Variants in PKHD1 observed in about 807,000 individuals in gnomAD.
PKHD1 encodes the protein fibrocystin.
PKHD1 carries 291 observed loss-of-function variants against 412.0 expected under a neutral mutation model. The ratio of observed to expected loss-of-function variants is 0.71; its 90% confidence interval spans 0.64 to 0.78. The LOEUF is 0.78. PKHD1 is among the 30% of genes least tolerant of loss of function. The probability of loss-of-function intolerance (pLI) is 0.00; values close to 1 mark genes in which losing one functional copy is unlikely to be tolerated. For synonymous variants in PKHD1, 1,777 were observed against 1,821.5 expected (o/e 0.98, Z 0.62); for missense variants, 4,825 against 4,950.7 (o/e 0.97, Z 0.76).
intron 60 of PKHD1, among the ~76,000 whole-genome samples, chr6:51,703,781 A>G (rs1461775848): frequency 6.6e-6 from 1 of 152,046 alleles, no homozygotes; most frequent in East Asian, 1.9e-4. Context: ...TTCTCTTCAA[A>G]TATCAACTAC....
chr6:51,706,481 T>TAAAAA (rs3061722), intron 60 of PKHD1, among the ~76,000 whole-genome samples: 2 of 140,926 alleles, frequency 1.4e-5, no homozygotes, highest in South Asian at 2.3e-4. Flanking sequence ...TCTCCCATGG[T>TAAAAA]AAAAAAAAAA....
At chr6:51,718,913 G>A (rs1259857950) in intron 60 of PKHD1, among the ~76,000 whole-genome samples, 1 of 152,100 alleles carries the variant, frequency 6.6e-6, no homozygotes, top group Non-Finnish European at 1.5e-5. Context: ...TATCATTTAA[G>A]TACCTATAAT....
At chr6:51,942,036 T>G (rs955172264) in intron 36 of PKHD1, among the ~76,000 whole-genome samples, 4 of 151,612 alleles carry the variant, frequency 2.6e-5, no homozygotes, top group African/African-American at 9.7e-5. Context: ...CTTTCCTTCC[T>G]AGGCATGGTT....
intron 37 of PKHD1, among the ~76,000 whole-genome samples, chr6:51,933,891 A>G (rs557496595): frequency 9.3e-4 from 141 of 152,370 alleles, no homozygotes; most frequent in Non-Finnish European, 1.7e-3. Context: ...GGAAGTATAC[A>G]CAATCCTCTT....
intron 60 of PKHD1, among the ~76,000 whole-genome samples, chr6:51,675,706 CA>C (rs1775728844): frequency 6.6e-6 from 1 of 152,160 alleles, no homozygotes; most frequent in South Asian, 2.1e-4. Flanking sequence ...CACAGCCTGT[CA>C]GGGGCAGCCG....
At chr6:51,933,960 A>G in intron 37 of PKHD1, 150 bp downstream of exon 37, 2 of 699,556 alleles carry the variant, frequency 2.9e-6, no homozygotes, top group Non-Finnish European at 5.2e-6. Context: ...GAATCGTAAC[A>G]GTTTTACTTG....
chr6:52,025,429 C>T lies in PKHD1; in HGVS notation c.4381G>A (p.Val1461Ile), dbSNP rs745677714. ...GTTAGCCCATTGACCAGGACTGTGA[C>T]GTTCAGGGAGAAGGAAGCTCCAGGC... ...PLPGASFSLNVTVLVNGLTSE... is the reference protein window; with the variant it reads ...PLPGASFSLNITVLVNGLTSE... The change falls in exon 32 of 67, where the codon GTC (valine) becomes ATC (isoleucine). Residue 1461 changes from valine (V) to isoleucine (I), a missense_variant. Coordinates refer to ENST00000371117, the MANE Select transcript of PKHD1 (RefSeq NM_138694.4). 15 of 1,606,692 alleles carry T rather than the reference C, an allele frequency of 9.3e-6. No individual in the cohort carries two copies. In the South Asian group the frequency reaches 1.2e-4, roughly 13 times the overall value.
At chr6:51,707,143 T>C (rs1780106522) in intron 60 of PKHD1, among the ~76,000 whole-genome samples, 1 of 152,204 alleles carries the variant, frequency 6.6e-6, no homozygotes, top group Admixed American at 6.5e-5. Context: ...ATAAGTTTGT[T>C]GACATTAAGT....
At chr6:51,763,704 T>TTATA (rs1355219882) in intron 55 of PKHD1, among the ~76,000 whole-genome samples, 1 of 152,038 alleles carries the variant, frequency 6.6e-6, no homozygotes, top group Non-Finnish European at 1.5e-5. Context: ...TCAATGTGTC[T>TTATA]TATAGGGTTT....
At chr6:51,919,389 C>T (rs1401399090) in intron 37 of PKHD1, among the ~76,000 whole-genome samples, 3 of 152,178 alleles carry the variant, frequency 2.0e-5, no homozygotes, top group South Asian at 2.1e-4. Flanking sequence ...ATAGGGAATC[C>T]TTTCCCCATT....
chr6:51,635,781 TG>T (rs1190392805), intron 64 of PKHD1, among the ~76,000 whole-genome samples: 1 of 144,790 alleles, frequency 6.9e-6, no homozygotes, highest in Non-Finnish European at 1.5e-5. Context: ...CGTGACTTTC[TG>T]GGGGGAGAAT....
chr6:51,680,837 G>T (rs961093940), intron 60 of PKHD1, among the ~76,000 whole-genome samples: 1 of 151,886 alleles, frequency 6.6e-6, no homozygotes, highest in African/African-American at 2.4e-5. Context: ...AACGGTTAAC[G>T]TTTTGCTCTG....
At chr6:51,771,616 C>CA (rs556888100) in intron 55 of PKHD1, among the ~76,000 whole-genome samples, 11,300 of 127,450 alleles carry the variant, frequency 0.089, 434 homozygotes, top group Non-Finnish European at 0.11. Flanking sequence ...GAGACTGTGT[C>CA]AAAAAAAAAA....
chr6:51,747,760 C>T (rs1389591344), intron 58 of PKHD1, 27 bp downstream of exon 58: 1 of 1,596,366 alleles, frequency 6.3e-7, no homozygotes, highest in East Asian at 2.2e-5. Context: ...TGAAATGGCA[C>T]TGCCTAGATA....
intron 60 of PKHD1, among the ~76,000 whole-genome samples, chr6:51,679,123 G>T (rs574102249): frequency 6.6e-6 from 1 of 152,156 alleles, no homozygotes; most frequent in South Asian, 2.1e-4. Context: ...CGCCATATGT[G>T]ACCATTTCCT....
At chr6:51,955,098 TTAAC>T (rs934888090) in intron 36 of PKHD1, among the ~76,000 whole-genome samples, 63 of 152,166 alleles carry the variant, frequency 4.1e-4, no homozygotes, top group African/African-American at 1.5e-3. Flanking sequence ...GAAAATATAA[TTAAC>T]TAAATCAAGG....
intron 34 of PKHD1, among the ~76,000 whole-genome samples, chr6:52,016,500 G>T (rs1013569847): frequency 2.6e-5 from 4 of 151,944 alleles, no homozygotes; most frequent in Non-Finnish European, 4.4e-5. Flanking sequence ...GCTGGGCGTG[G>T]TGGTATATAC....
chr6:51,996,357 G>C (rs1007878260), intron 35 of PKHD1, among the ~76,000 whole-genome samples: 2 of 152,052 alleles, frequency 1.3e-5, no homozygotes, highest in African/African-American at 4.8e-5. Flanking sequence ...TGAATTATGA[G>C]AAACCGACAC....
At chr6:51,788,200 G>A (rs1793186341) in intron 53 of PKHD1, among the ~76,000 whole-genome samples, 1 of 152,132 alleles carries the variant, frequency 6.6e-6, no homozygotes, top group Non-Finnish European at 1.5e-5. Flanking sequence ...GCAGGAATTA[G>A]AGCTGACAGT....
Sources: allele counts gnomAD v4.1 joint callset (sites outside exome capture counted in the v4.1 genomes callset), GRCh38; gene constraint gnomAD v4.1.1; transcripts MANE v1.5; gene names NCBI Gene and HGNC (gene_info 2026-07-23, HGNC 2026-07-21).